Variants in CUBN observed in about 807,000 individuals in gnomAD.
CUBN encodes the protein cubilin.
In CUBN, 282 loss-of-function variants were observed where a neutral mutation model predicts 405.3. That is an observed-to-expected ratio of 0.70 (90% confidence interval 0.63 to 0.77). The LOEUF (loss-of-function observed/expected upper bound fraction) is 0.77, where lower values mean the gene tolerates loss of function less well. Ranked by LOEUF, CUBN falls within the 30% of genes least tolerant of loss-of-function variation. CUBN has a pLI of 0.00. For synonymous variants in CUBN, 1,684 were observed against 1,617.0 expected (o/e 1.04, Z -0.99); for missense variants, 4,514 against 4,475.2 (o/e 1.01, Z -0.25).
intron 41 of CUBN, among the ~76,000 whole-genome samples, chr10:16,927,758 TCAAC>T (rs2131585681): frequency 6.6e-6 from 1 of 152,352 alleles, no homozygotes; most frequent in South Asian, 2.1e-4. Flanking sequence ...ATGGCTGACT[TCAAC>T]CAAGTAATTT....
chr10:16,883,282 C>T (rs904455782), intron 56 of CUBN, among the ~76,000 whole-genome samples: 1 of 152,082 alleles, frequency 6.6e-6, no homozygotes, highest in Non-Finnish European at 1.5e-5. Context: ...CCATTGCGCA[C>T]GAAGGCCAAA....
intron 14 of CUBN, among the ~76,000 whole-genome samples, chr10:17,097,442 T>A (rs1009228646): frequency 4.4e-4 from 67 of 152,262 alleles, no homozygotes; most frequent in African/African-American, 1.6e-3. Flanking sequence ...CAGGCTCAAT[T>A]AACTTTATGG....
chr10:16,900,734 T>C lies in CUBN; in HGVS notation c.8301A>G (p.Ser2767=), dbSNP rs377258631. 31 of 1,614,074 alleles carry C rather than the reference T, an allele frequency of 1.9e-5. No individual in the cohort carries two copies. In the Admixed American group the frequency reaches 2.5e-4, roughly 13 times the overall value. Residue 2767 remains serine (S), a synonymous_variant, in exon 53 of 67, where the codon TCA becomes TCG. Transcript: ENST00000377833. Reference sequence around the variant, plus strand: ...AACCTGACTGTATTGTCCTGGGGTTTGAATTTCCACAGTATTGTCCTATGA... The same window carrying C: ...AACCTGACTGTATTGTCCTGGGGTTCGAATTTCCACAGTATTGTCCTATGA... ...SPIIGQYCGN[S]NPRTIQSGSN... is the part of the protein sequence containing the mutation.
intron 31 of CUBN, among the ~76,000 whole-genome samples, chr10:16,981,948 G>T (rs1007911182): frequency 2.0e-5 from 3 of 152,182 alleles, no homozygotes; most frequent in African/African-American, 7.2e-5. Flanking sequence ...CTTGTCTCAA[G>T]AGAAGCAGAA....
At chr10:16,999,398 T>C (rs1004931751) in intron 28 of CUBN, among the ~76,000 whole-genome samples, 3 of 152,206 alleles carry the variant, frequency 2.0e-5, no homozygotes, top group African/African-American at 7.2e-5. Flanking sequence ...CTTTTCACTT[T>C]GATTAACTTT....
chr10:17,004,405 C>T (rs1218370936), intron 28 of CUBN, among the ~76,000 whole-genome samples: 2 of 152,184 alleles, frequency 1.3e-5, no homozygotes, highest in African/African-American at 4.8e-5. Flanking sequence ...GGCCCAAAAC[C>T]TCACCTAATT....
chr10:16,950,074 A>G lies in CUBN; in HGVS notation c.5007T>C (p.Leu1669=), dbSNP rs138417786. The part of the protein sequence containing the change: ...HITLSFTHFE[L]ERSTTCARDF... Reference sequence around the variant, plus strand: ...CACGTGCACACGTTGTGCTTCTTTCAAGTTCAAAGTGGGTAAAAGAGAGGG... The same window carrying G: ...CACGTGCACACGTTGTGCTTCTTTCGAGTTCAAAGTGGGTAAAAGAGAGGG... Residue 1669 remains leucine, a synonymous_variant, in exon 34 of 67, where the codon CTT becomes CTC. Transcript: ENST00000377833. 3.7e-6 allele frequency: 6 copies of G among 1,614,038 alleles called. No homozygotes were observed. In the African/African-American group the frequency reaches 8.0e-5, roughly 22 times the overall value.
chr10:17,081,826 T>C (rs944575752), intron 17 of CUBN, among the ~76,000 whole-genome samples: 18 of 152,214 alleles, frequency 1.2e-4, no homozygotes, highest in African/African-American at 4.3e-4. Flanking sequence ...TTCTCATTTG[T>C]AAAATTAAGG....
At chr10:16,938,737 A>C (rs919808357) in intron 38 of CUBN, among the ~76,000 whole-genome samples, 1 of 152,218 alleles carries the variant, frequency 6.6e-6, no homozygotes, top group African/African-American at 2.4e-5. Flanking sequence ...CAACAGGAAA[A>C]TTATAATAAT....
At chr10:17,124,573 C>G (rs12572441) in intron 4 of CUBN, among the ~76,000 whole-genome samples, 2 of 150,084 alleles carry the variant, frequency 1.3e-5, no homozygotes, top group South Asian at 4.2e-4. Context: ...GGACTACAGG[C>G]GCCCGCCACC....
intron 14 of CUBN, 29 bp downstream of exon 14, chr10:17,099,976 C>T (rs774931835): frequency 6.5e-7 from 1 of 1,536,906 alleles, no homozygotes; most frequent in Non-Finnish European, 9.0e-7. Context: ...CAAAATTTTG[C>T]TTGCTTTTTT....
intron 60 of CUBN, among the ~76,000 whole-genome samples, chr10:16,845,463 G>C (rs1839483024): frequency 6.6e-6 from 1 of 152,156 alleles, no homozygotes; most frequent in South Asian, 2.1e-4. Context: ...GAAGAATAGA[G>C]AGTGACTTTT....
At chr10:17,086,007 C>G (rs1177737213) in intron 15 of CUBN, among the ~76,000 whole-genome samples, 1 of 149,234 alleles carries the variant, frequency 6.7e-6, no homozygotes, top group Non-Finnish European at 1.5e-5. Context: ...TGCTCTGTCA[C>G]CAGGCTGGAG....
chr10:17,071,067 T>C (rs1404190068), intron 19 of CUBN, among the ~76,000 whole-genome samples: 1 of 152,348 alleles, frequency 6.6e-6, no homozygotes, highest in Non-Finnish European at 1.5e-5. Flanking sequence ...TGTTTCATCA[T>C]GAAAGGATGT....
chr10:17,084,165 G>A, intron 17 of CUBN, 106 bp downstream of exon 17: 2 of 1,080,172 alleles, frequency 1.9e-6, no homozygotes, highest in South Asian at 1.3e-5. Context: ...AAGCTCTCAG[G>A]TATTCTGGCT....
At chr10:16,830,252 G>A (rs754659951) in intron 65 of CUBN, among the ~76,000 whole-genome samples, 2 of 152,196 alleles carry the variant, frequency 1.3e-5, no homozygotes, top group East Asian at 1.9e-4. Flanking sequence ...TTATTTGCTC[G>A]TTGATAAAAT....
chr10:17,009,897 C>T (rs954393127), intron 28 of CUBN, among the ~76,000 whole-genome samples: 12 of 152,222 alleles, frequency 7.9e-5, no homozygotes, highest in African/African-American at 2.9e-4. Context: ...TTAAAACAAA[C>T]AGTACAATGT....
rs760717240 is a variant in CUBN at position 16,952,385 on chromosome 10, G to A, written c.4860C>T (p.Cys1620=). 3.6e-5 allele frequency: 57 copies of A among 1,596,614 alleles called. No homozygotes were observed. Among genetic ancestry groups the A allele is most frequent in the Non-Finnish European group, 4.3e-5 (50 of 1,164,328 alleles). Reference sequence around the variant, plus strand: ...ATGAGCTGGTGAGGATGTGGCCTCCGCAGGCTGGGGAACACACAAACACAC... The same window carrying A: ...ATGAGCTGGTGAGGATGTGGCCTCCACAGGCTGGGGAACACACAAACACAC... ...RGFRAQFRQA[C]GGHILTSSFD... Residue 1620 remains cysteine (C), a synonymous_variant, in exon 33 of 67, where the codon TGC becomes TGT. Coordinates refer to ENST00000377833, the MANE Select transcript of CUBN (RefSeq NM_001081.4).
At chr10:17,122,723 G>T in intron 6 of CUBN, 72 bp downstream of exon 6, 2 of 864,830 alleles carry the variant, frequency 2.3e-6, no homozygotes, top group Non-Finnish European at 3.9e-6. Context: ...AATTTAGGAT[G>T]CTCTTAACTA....
Sources: gnomAD v4.1 joint callset for allele counts (sites outside exome capture counted in the v4.1 genomes callset) on GRCh38, gnomAD v4.1.1 for gene constraint, MANE v1.5 for transcripts, NCBI Gene and HGNC (gene_info 2026-07-23, HGNC 2026-07-21) for gene names.